Variants in ARHGAP24 observed in about 807,000 individuals in gnomAD.
The protein encoded by ARHGAP24 is Rho GTPase activating protein 24.
A neutral mutation model predicts 76.4 loss-of-function variants in ARHGAP24; 50 were observed. That is an observed-to-expected ratio of 0.65 (90% CI 0.52 to 0.83). ARHGAP24 has a LOEUF of 0.83. Among genes scored for constraint, ARHGAP24 ranks in the 40% least tolerant of loss-of-function variants. The pLI, the probability that ARHGAP24 is intolerant of heterozygous loss-of-function variation, is 0.00. For synonymous variants in ARHGAP24, 345 were observed against 323.3 expected, an observed-to-expected ratio of 1.07 and a Z score of -0.72; for missense variants, 930 against 914.2, an observed-to-expected ratio of 1.02 and a Z score of -0.22.
chr4:85,491,041 TC>T (rs1723334271), intron 1 of ARHGAP24, among the ~76,000 whole-genome samples: 1 of 152,202 alleles, frequency 6.6e-6, no homozygotes, highest in African/African-American at 2.4e-5. Context: ...CAAGATTGAA[TC>T]TTTTTTTCCA....
intron 9 of ARHGAP24, among the ~76,000 whole-genome samples, chr4:85,998,015 G>T (rs1253341209): frequency 1.3e-5 from 2 of 152,152 alleles, no homozygotes; most frequent in Non-Finnish European, 2.9e-5. Context: ...TCATCTGGAT[G>T]ATATTAATTA....
chr4:85,623,338 A>G (rs1435939867), intron 2 of ARHGAP24, among the ~76,000 whole-genome samples: 2 of 152,144 alleles, frequency 1.3e-5, no homozygotes, highest in African/African-American at 4.8e-5. Flanking sequence ...TCCCAGCACC[A>G]TTTATTAAGT....
rs370741361 is a variant in ARHGAP24, at chr4:85,515,577, A to G, written c.-21+40018A>G. On this transcript the variant is annotated intron_variant, in intron 1 of 9. Transcript: ENST00000395184. ...AGCTGTCTCTCTTTTTCAATTGACC[A>G]TATGTCCATAAATCATTCCATTAGC... Among the ~76,000 whole-genome samples the G allele has an allele frequency of 5.3e-5, 8 of 152,106 alleles. No individual in the cohort carries two copies. In the East Asian group the frequency reaches 9.6e-4, roughly 18 times the overall value.
intron 3 of ARHGAP24, among the ~76,000 whole-genome samples, chr4:85,760,120 T>C (rs1726680323): frequency 6.6e-6 from 1 of 152,230 alleles, no homozygotes; most frequent in South Asian, 2.1e-4. Context: ...CATTTATTCT[T>C]TAATTTAAAC....
Position 85,995,677 on chromosome 4 carries a change from C to T in ARHGAP24, c.2003+20C>T, listed in dbSNP as rs752246829. The T allele has an allele frequency of 1.9e-5, 30 of 1,607,396 alleles. No homozygotes were observed. Among genetic ancestry groups the T allele is most frequent in the Non-Finnish European group, 2.5e-5 (29 of 1,174,526 alleles). ...AAAGAGGTAAGGAAAATCTGGAGGT[C>T]GTAACTACCAGAGAGGGCTCAGTAG... On this transcript the variant is annotated intron_variant, in intron 9 of 9. Transcript: ENST00000395184.
At chr4:85,573,638 C>A (rs955668607) in intron 2 of ARHGAP24, among the ~76,000 whole-genome samples, 1 of 152,124 alleles carries the variant, frequency 6.6e-6, no homozygotes, top group African/African-American at 2.4e-5. Flanking sequence ...AGAATCATAA[C>A]ATCTAAATGG....
chr4:85,898,428 T>C (rs1734317795), intron 3 of ARHGAP24, among the ~76,000 whole-genome samples: 1 of 152,154 alleles, frequency 6.6e-6, no homozygotes, highest in Non-Finnish European at 1.5e-5. Flanking sequence ...TTTATATCCA[T>C]ACTCTTCATT....
At chr4:85,832,144 A>G (rs930855050) in intron 3 of ARHGAP24, among the ~76,000 whole-genome samples, 3 of 152,136 alleles carry the variant, frequency 2.0e-5, no homozygotes, top group Non-Finnish European at 4.4e-5. Context: ...AGAAAACAGG[A>G]GCAAGAGCCT....
intron 3 of ARHGAP24, among the ~76,000 whole-genome samples, chr4:85,865,943 G>A (rs578106322): frequency 2.0e-5 from 3 of 152,132 alleles, no homozygotes; most frequent in Admixed American, 1.3e-4. Flanking sequence ...ACAAAGGACA[G>A]TTAAAAAGAG....
At chr4:85,921,243 G>A (rs1011201077) in intron 3 of ARHGAP24, among the ~76,000 whole-genome samples, 5 of 152,096 alleles carry the variant, frequency 3.3e-5, no homozygotes, top group Non-Finnish European at 7.4e-5. Flanking sequence ...GACATGAATG[G>A]AGCTGGAGGC....
At chr4:85,940,330 T>G (rs1736885396) in intron 4 of ARHGAP24, among the ~76,000 whole-genome samples, 1 of 151,962 alleles carries the variant, frequency 6.6e-6, no homozygotes, top group Admixed American at 6.6e-5. Flanking sequence ...CCCTTGTGAT[T>G]GTTGCCTAAT....
intron 2 of ARHGAP24, among the ~76,000 whole-genome samples, chr4:85,623,654 G>A (rs1447175752): frequency 2.0e-5 from 3 of 151,502 alleles, no homozygotes; most frequent in Non-Finnish European, 4.4e-5. Context: ...TGATGGGGAT[G>A]GCATTGAATC....
chr4:85,504,515 T>C (rs1434638527), intron 1 of ARHGAP24, among the ~76,000 whole-genome samples: 1 of 152,212 alleles, frequency 6.6e-6, no homozygotes, highest in Non-Finnish European at 1.5e-5. Flanking sequence ...GTTTAAAGTC[T>C]GTTTTATCAG....
chr4:85,811,216 G>C (rs1728998264), intron 3 of ARHGAP24, among the ~76,000 whole-genome samples: 1 of 152,196 alleles, frequency 6.6e-6, no homozygotes, highest in Non-Finnish European at 1.5e-5. Flanking sequence ...TACCTCTAGA[G>C]ATGTGACTAA....
At chr4:85,506,287 C>T (rs1724045151) in intron 1 of ARHGAP24, among the ~76,000 whole-genome samples, 1 of 152,210 alleles carries the variant, frequency 6.6e-6, no homozygotes, top group Non-Finnish European at 1.5e-5. Context: ...AACTGTCAGA[C>T]AGGGACGTTT....
At chr4:85,849,426 G>A (rs537174251) in intron 3 of ARHGAP24, among the ~76,000 whole-genome samples, 4 of 152,220 alleles carry the variant, frequency 2.6e-5, no homozygotes, top group African/African-American at 7.2e-5. Flanking sequence ...TTTCCTAATC[G>A]AATAGCCTTT....
chr4:85,598,839 C>T (rs1348559940), intron 2 of ARHGAP24, among the ~76,000 whole-genome samples: 5 of 150,590 alleles, frequency 3.3e-5, no homozygotes, highest in Non-Finnish European at 7.4e-5. Flanking sequence ...AAGTACAGTG[C>T]AGGTCATAAC....
intron 2 of ARHGAP24, among the ~76,000 whole-genome samples, chr4:85,644,449 C>T (rs1205444015): frequency 6.6e-6 from 1 of 152,204 alleles, no homozygotes; most frequent in Non-Finnish European, 1.5e-5. Flanking sequence ...ACATCTAAGA[C>T]CTCTTCTTGC....
At chr4:85,859,470 T>A (rs747717849) in intron 3 of ARHGAP24, among the ~76,000 whole-genome samples, 1 of 152,092 alleles carries the variant, frequency 6.6e-6, no homozygotes, top group Non-Finnish European at 1.5e-5. Context: ...AAGTCCCAAA[T>A]GAGTATCAAC....
Sources: allele counts gnomAD v4.1 joint callset (sites outside exome capture counted in the v4.1 genomes callset), GRCh38; gene constraint gnomAD v4.1.1; transcripts MANE v1.5; gene names NCBI Gene and HGNC (gene_info 2026-07-23, HGNC 2026-07-21).